Variants in ZNF320 observed in about 807,000 individuals in gnomAD.
The protein encoded by ZNF320 is zinc finger protein 320.
In ZNF320, 2 loss-of-function variants were observed where a neutral mutation model predicts 6.8. That is an observed-to-expected ratio of 0.29 (90% CI 0.12 to 0.93). The LOEUF (loss-of-function observed/expected upper bound fraction) is 0.93. Ranked by LOEUF, ZNF320 falls within the 40% of genes least tolerant of loss-of-function variation. The pLI is 0.55. For missense variants in ZNF320, 472 were observed against 611.0 expected (o/e 0.77, Z 2.40); for synonymous variants, 208 against 203.2 (o/e 1.02, Z -0.20).
rs914586673 is a variant in ZNF320 at position 52,876,300 on chromosome 19, A to G, written c.*4296T>C. 7 of 152,222 alleles carry G rather than the reference A, an allele frequency of 4.6e-5. No homozygotes were observed. The highest frequency in any genetic ancestry group is 1.2e-4 in the African/African-American group (5 of 41,468). 9.4% of individuals were successfully genotyped at this position (152,222 alleles called of 1,614,324 possible). Reference sequence around the variant, plus strand: ...CTAGAAAATGTTTCCAATGTATGATACAGACTAGAAAGCATGCAGTCCTCA... The same window carrying G: ...CTAGAAAATGTTTCCAATGTATGATGCAGACTAGAAAGCATGCAGTCCTCA... On this transcript the variant is annotated 3_prime_UTR_variant, in exon 6 of 6. Transcript: ENST00000682928.
At chr19:52,900,912 ATTT>A (rs896184684), upstream of ZNF320, among the ~76,000 whole-genome samples, 1 of 109,616 alleles carries the variant, frequency 9.1e-6, no homozygotes, top group Non-Finnish European at 2.1e-5. Flanking sequence ...AGATATACTT[ATTT>A]TTTTTTTTAA....
chr19:52,890,600 G>A (rs2064256697), intron 3 of ZNF320, among the ~76,000 whole-genome samples: 2 of 152,206 alleles, frequency 1.3e-5, no homozygotes, highest in African/African-American at 4.8e-5. Flanking sequence ...GGCTGGGTGT[G>A]GTGGCTCATG....
At chr19:52,892,552 A>G (rs891221170) in intron 2 of ZNF320, among the ~76,000 whole-genome samples, 16 of 152,146 alleles carry the variant, frequency 1.1e-4, no homozygotes, top group Non-Finnish European at 4.4e-5. Flanking sequence ...GGAGTTCGAG[A>G]CCAACCTGGC....
intron 5 of ZNF320, among the ~76,000 whole-genome samples, chr19:52,869,898 AT>A (rs1244323579): frequency 6.6e-6 from 1 of 151,618 alleles, no homozygotes; most frequent in African/African-American, 2.4e-5. Context: ...TTTGTATTTC[AT>A]TAGAGATGGG....
chr19:52,872,703 G>A (rs943544859), downstream of ZNF320, among the ~76,000 whole-genome samples: 12 of 152,096 alleles, frequency 7.9e-5, no homozygotes, highest in African/African-American at 2.2e-4. Flanking sequence ...GGGTTTCACC[G>A]TGTTAACCAG....
chr19:52,868,036 T>C (rs1340875825), intron 5 of ZNF320, among the ~76,000 whole-genome samples: 3 of 143,930 alleles, frequency 2.1e-5, no homozygotes, highest in Admixed American at 6.8e-5. Flanking sequence ...TGAGCCACCA[T>C]GGCCAGCCAG....
exon 6 of ZNF320, chr19:52,861,745 C>T (rs946707840): frequency 1.5e-5 from 5 of 328,254 alleles, no homozygotes; most frequent in Non-Finnish European, 2.5e-5. Flanking sequence ...GTTTGCTATA[C>T]TCATTGCCTG....
chr19:52,891,023 T>A (rs1456507830), intron 3 of ZNF320, among the ~76,000 whole-genome samples: 1 of 151,946 alleles, frequency 6.6e-6, no homozygotes, highest in African/African-American at 2.4e-5. Context: ...TTGGTGGGCA[T>A]CTGTAATCCC....
At position 52,881,159 on chromosome 19, in the gene ZNF320, G is replaced by T; in HGVS notation, c.967C>A (p.His323Asn). The T allele has an allele frequency of 6.2e-7, 1 of 1,614,116 alleles. No homozygotes were observed. Among genetic ancestry groups the T allele is most frequent in the Non-Finnish European group, 8.5e-7 (1 of 1,180,038 alleles). Reference protein sequence around the residue: ...RATLAGHRRVHTGEKPYRCEE... With the variant: ...RATLAGHRRVNTGEKPYRCEE... ...CATCTGTAAGGTTTCTCTCCAGTGT[G>T]AACTCTACGATGTCCTGCAAGAGTT... Residue 323 changes from histidine (H) to asparagine (N), a missense_variant, in exon 6 of 6, where the codon CAC (histidine) becomes AAC (asparagine). Physicochemically the swap from His to Asn is moderately conservative, Grantham distance 68 (BLOSUM62 1). Around this residue, in one of 2 missense-constraint regions of ZNF320, gnomAD observed 462 missense variants for 559.7 expected, o/e 0.83. Transcript: ENST00000682928.
chr19:52,894,871 CAAACAAAACA>C (rs538728101), intron 1 of ZNF320: 1 of 152,306 alleles, frequency 6.6e-6, no homozygotes, highest in African/African-American at 2.4e-5. Context: ...GACTCCTTCT[CAAACAAAACA>C]AAACAAAACA....
chr19:52,869,260 G>C (rs1199456052), intron 5 of ZNF320, among the ~76,000 whole-genome samples: 1 of 152,214 alleles, frequency 6.6e-6, no homozygotes, highest in Non-Finnish European at 1.5e-5. Context: ...AAAAGCAGCA[G>C]TATGGTGGCC....
chr19:52,901,572 A>C (rs1395559533), upstream of ZNF320, among the ~76,000 whole-genome samples: 1 of 152,168 alleles, frequency 6.6e-6, no homozygotes, highest in Non-Finnish European at 1.5e-5. Context: ...AGCACCTCTA[A>C]ACAGTTATGT....
chr19:52,865,750 TTTA>T (rs2063546887), intron 5 of ZNF320, among the ~76,000 whole-genome samples: 3 of 126,622 alleles, frequency 2.4e-5, no homozygotes, highest in Non-Finnish European at 4.6e-5. Context: ...TACACATATA[TTTA>T]TATATATGAT....
At chr19:52,860,775 C>A (rs1004222897), downstream of ZNF320, among the ~76,000 whole-genome samples, 6 of 152,120 alleles carry the variant, frequency 3.9e-5, no homozygotes, top group Non-Finnish European at 7.3e-5. Context: ...CTTTCCTTAA[C>A]TGTAAACATC....
chr19:52,872,356 T>C (rs963369205), downstream of ZNF320, among the ~76,000 whole-genome samples: 4 of 152,148 alleles, frequency 2.6e-5, no homozygotes, highest in Non-Finnish European at 4.4e-5. Context: ...CACCTGTGGG[T>C]ATTCCTCAGA....
chr19:52,873,183 A>C (rs903907744), downstream of ZNF320, among the ~76,000 whole-genome samples: 7 of 152,020 alleles, frequency 4.6e-5, no homozygotes, highest in Admixed American at 3.9e-4. Flanking sequence ...TCTTTCGCTA[A>C]TCCTCCTCAG....
chr19:52,866,040 A>C, intron 5 of ZNF320, among the ~76,000 whole-genome samples: 2 of 133,262 alleles, frequency 1.5e-5, no homozygotes, highest in East Asian at 2.1e-4. Context: ...ATATATGATT[A>C]TACATATATA....
chr19:52,874,819 G>A (rs1443746109), downstream of ZNF320, among the ~76,000 whole-genome samples: 1 of 152,162 alleles, frequency 6.6e-6, no homozygotes, highest in Admixed American at 6.5e-5. Flanking sequence ...GGGAAGAAAC[G>A]CTGCTTGTCA....
At chr19:52,893,170 C>A (rs1236270033) in intron 2 of ZNF320, among the ~76,000 whole-genome samples, 1 of 152,068 alleles carries the variant, frequency 6.6e-6, no homozygotes, top group Non-Finnish European at 1.5e-5. Flanking sequence ...GGTTTGGACA[C>A]CTTCATGTCA....
Sources: allele counts gnomAD v4.1 joint callset (sites outside exome capture counted in the v4.1 genomes callset), GRCh38; gene constraint gnomAD v4.1.1; regional missense constraint gnomAD v4.1.1; transcripts MANE v1.5; gene names NCBI Gene and HGNC (gene_info 2026-07-23, HGNC 2026-07-21).